RUSC1: variants seen among roughly 807,000 people sequenced by gnomAD.
RUSC1 encodes RUN and SH3 domain containing 1.
In RUSC1, 40 loss-of-function variants were observed where a neutral mutation model predicts 72.1. The ratio of observed to expected loss-of-function variants is 0.55; its 90% CI spans 0.43 to 0.72. RUSC1 has a LOEUF of 0.72. Among genes scored for constraint, RUSC1 ranks in the 30% least tolerant of loss-of-function variants. The probability of loss-of-function intolerance (pLI) is 0.00; values close to 1 mark genes in which losing one functional copy is unlikely to be tolerated. For synonymous variants in RUSC1, 512 were observed against 494.2 expected (o/e 1.04, Z -0.48); for missense variants, 1,092 against 1,172.3 (o/e 0.93, Z 1.00).
rs780609136 is a variant in RUSC1 at position 155,324,840 on chromosome 1, G to T, written c.1358-5G>T. 2.9e-5 allele frequency: 47 copies of T among 1,614,086 alleles called. No individual in the cohort carries two copies. The highest frequency in any genetic ancestry group is 2.3e-5 in the Non-Finnish European group (27 of 1,180,040). ...TGTTACCGCGCCCTTCTTCCCTTAC[G>T]CCAGTCCGTAGTTCGTGGTCCTTCG... On this transcript the variant is annotated splice_region_variant and splice_polypyrimidine_tract_variant and intron_variant, in intron 2 of 9. Transcript: ENST00000368352.
At chr1:155,323,238 C>A in intron 2 of RUSC1, 108 bp downstream of exon 2, 1 of 1,234,258 alleles carries the variant, frequency 8.1e-7, no homozygotes, top group Non-Finnish European at 1.1e-6. Flanking sequence ...ACCCATCCTC[C>A]CCGCCCCTTC....
In RUSC1 at chr1:155,322,945, C is replaced by T. The variant is rs576231802; in HGVS notation, c.1172C>T (p.Pro391Leu). 48 of 1,594,802 alleles carry T rather than the reference C, an allele frequency of 3.0e-5. No homozygotes were observed. In the Admixed American group the frequency reaches 6.5e-4, roughly 22 times the overall value. ...PAPPVPPRDP[P>L]VGWALVPPRP... Reference sequence around the variant, plus strand: ...CCGCCAGTCCCGCCTCGAGACCCCCCAGTTGGCTGGGCTTTGGTCCCGCCC... The same window carrying T: ...CCGCCAGTCCCGCCTCGAGACCCCCTAGTTGGCTGGGCTTTGGTCCCGCCC... Residue 391 changes from proline to leucine, a missense_variant, in exon 2 of 10, where the codon CCA becomes CTA. Physicochemically the swap from Pro to Leu is moderately conservative, Grantham distance 98. Coordinates refer to ENST00000368352, the MANE Select transcript of RUSC1 (RefSeq NM_001105203.2).
In RUSC1 at chr1:155,321,596, C is replaced by A. The variant is rs1051284486; in HGVS notation, c.-86-92C>A. On this transcript the variant is annotated intron_variant, in intron 1 of 9. Transcript: ENST00000368352. ...AAATATCTTCCAAAGCAGCCAGAGC[C>A]TTCAGGCCTGCTGCTGCCGTCAAGT... 21 of 1,256,040 alleles carry A rather than the reference C, an allele frequency of 1.7e-5. No homozygotes were observed. In the African/African-American group the frequency reaches 3.0e-4, roughly 18 times the overall value. The allele number at this position is 1,256,040 out of a possible 1,614,324, so 77.8% of individuals were successfully genotyped here. A position where few individuals can be genotyped will look rare whatever the true frequency, so the allele number is the denominator to read the frequency against.
chr1:155,321,615 G>C lies in RUSC1; in HGVS notation c.-86-73G>C, dbSNP rs572564488. ...CAGAGCCTTCAGGCCTGCTGCTGCC[G>C]TCAAGTCACCTCGGTGTCCTTCCCC... On this transcript the variant is annotated intron_variant, in intron 1 of 9. Coordinates refer to ENST00000368352, the MANE Select transcript of RUSC1 (RefSeq NM_001105203.2). 3 of 1,255,338 alleles carry C rather than the reference G, an allele frequency of 2.4e-6. No individual in the cohort carries two copies. In the East Asian group the frequency reaches 7.1e-5, roughly 30 times the overall value. 77.8% of individuals were successfully genotyped at this position (1,255,338 alleles called of 1,614,324 possible). A position where few individuals can be genotyped will look rare whatever the true frequency, so the allele number is the denominator to read the frequency against.
chr1:155,326,227 A>G lies in RUSC1; in HGVS notation c.1861+317A>G. 3.7e-6 allele frequency: 2 copies of G among 543,044 alleles called. No homozygotes were observed. The highest frequency in any genetic ancestry group is 6.6e-6 in the Non-Finnish European group (2 of 303,432). 33.6% of individuals were successfully genotyped at this position (543,044 alleles called of 1,614,324 possible). ...CTGCCCCTCCTGCTTCCTCTGAACT[A>G]TCATTCATCCTTTGAGTCCTTCCCC... On this transcript the variant is annotated intron_variant, in intron 7 of 9. Transcript: ENST00000368352. This position sits in a 1 kb window ranked among gnomAD's most constrained non-coding sequence, Gnocchi z 4.7.
At position 155,326,660 on chromosome 1, in the gene RUSC1, C is replaced by G; in HGVS notation, c.1942C>G (p.Leu648Val). The G allele has an allele frequency of 6.8e-6, 11 of 1,613,926 alleles. No individual in the cohort carries two copies. The highest frequency in any genetic ancestry group is 9.3e-6 in the Non-Finnish European group (11 of 1,180,028). Residue 648 changes from leucine to valine, a missense_variant, in exon 8 of 10, where the codon CTG becomes GTG. Leu to Val is a conservative substitution (Grantham distance 32). Coordinates refer to ENST00000368352, the MANE Select transcript of RUSC1 (RefSeq NM_001105203.2). The surrounding 1 kb of genome is among the most constrained non-coding windows in gnomAD (Gnocchi z 4.7). ...TTGTCCCTCCCTGTCCACAGAGCTGCTGCTCCTGCTGCAGCCATTGTCGGT... is the reference window on the plus strand; with the variant it reads ...TTGTCCCTCCCTGTCCACAGAGCTGGTGCTCCTGCTGCAGCCATTGTCGGT... ...GGCPSLSTELLLLLQPLSVLT... is the reference protein window; with the variant it reads ...GGCPSLSTELVLLLQPLSVLT...
At chr1:155,328,396 C>G in intron 9 of RUSC1, 121 bp downstream of exon 9, 2 of 1,052,382 alleles carry the variant, frequency 1.9e-6, no homozygotes, top group Non-Finnish European at 2.6e-6. Context: ...TGCATTGCAG[C>G]TTTTCTATTT....
intron 1 of RUSC1, 198 bp from the exon 2 acceptor site, chr1:155,321,490 C>T (rs1211171079): frequency 6.1e-6 from 9 of 1,480,790 alleles, no homozygotes; most frequent in African/African-American, 1.4e-5. Context: ...CGGCTCCATT[C>T]CCGGGGGGTT....
chr1:155,325,496 C>T lies in RUSC1; in HGVS notation c.1708+6C>T, dbSNP rs376293272. On this transcript the variant is annotated splice_donor_region_variant and intron_variant, in intron 5 of 9. Transcript: ENST00000368352. The surrounding 1 kb of genome is among the most constrained non-coding windows in gnomAD (Gnocchi z 6.5). ...GGAGGCGTCGGTGAAGCCAGGTGAG[C>T]CAGGAGGGCGTGGGACCCGGCAGTG... 1.3e-4 allele frequency: 200 copies of T among 1,597,248 alleles called. No homozygotes were observed. The highest frequency in any genetic ancestry group is 1.6e-4 in the Non-Finnish European group (189 of 1,174,776).
At chr1:155,330,325 A>G (rs1046776758) in intron 9 of RUSC1, 78 bp from the exon 10 acceptor site, 1 of 1,421,160 alleles carries the variant, frequency 7.0e-7, no homozygotes, top group Non-Finnish European at 9.8e-7. Context: ...CAACAAGGGC[A>G]CTCTAGAGGT....
At chr1:155,330,295 C>G in intron 9 of RUSC1, 108 bp from the exon 10 acceptor site, 1 of 1,085,400 alleles carries the variant, frequency 9.2e-7, no homozygotes. Context: ...AGAGCCCAGT[C>G]AATGTCCACT....
In RUSC1 at chr1:155,321,267, ACT is replaced by A. The variant is rs755549081; in HGVS notation, c.-87+279_-87+280del. On this transcript the variant is annotated intron_variant, in intron 1 of 9. Transcript: ENST00000368352. The stretch of plus-strand genomic sequence containing the variant: ...CCCCTTTCCTGCATTCACCAGACAA[ACT>A]CTGCGTATTGCCCCACCCCCATCCT... 1.0e-5 allele frequency: 14 copies of A among 1,366,774 alleles called. No individual in the cohort carries two copies. The Admixed American group carries it at 1.5e-4, about 15-fold the overall frequency. 84.7% of individuals were successfully genotyped at this position (1,366,774 alleles called of 1,614,324 possible).
chr1:155,329,927 G>C (rs931100607), intron 9 of RUSC1, among the ~76,000 whole-genome samples: 2 of 139,252 alleles, frequency 1.4e-5, no homozygotes, highest in Non-Finnish European at 3.0e-5. Context: ...CTCCAGCCTG[G>C]ACAACAGAGA....
In RUSC1 at chr1:155,322,859, G is replaced by C. The variant is rs201580824; in HGVS notation, c.1086G>C (p.Ser362=). 7 of 1,612,728 alleles carry C rather than the reference G, an allele frequency of 4.3e-6. No individual in the cohort carries two copies. Among genetic ancestry groups the C allele is most frequent in the South Asian group, 1.1e-5 (1 of 91,018 alleles). Residue 362 remains serine (S), a synonymous_variant, in exon 2 of 10, where the codon TCG becomes TCC. Coordinates refer to ENST00000368352, the MANE Select transcript of RUSC1 (RefSeq NM_001105203.2). ...CCTCGGGGTCGCCGGGCGGCTCCTC[G>C]GCACCTCCTCGGGAAGTCACCACCT... ...LPPSGSPGGS[S]APPREVTTFK...
chr1:155,322,141 T>C lies in RUSC1; in HGVS notation c.368T>C (p.Leu123Ser). The C allele has an allele frequency of 6.2e-7, 1 of 1,604,166 alleles. No individual in the cohort carries two copies. Among genetic ancestry groups the C allele is most frequent in the Non-Finnish European group, 8.5e-7 (1 of 1,173,758 alleles). ...GATGAGTCCCCTGTCTCAGTCTACT[T>C]GCGGGACCTCCCTGGTGATGAGGAT... ...SPDESPVSVY[L>S]RDLPGDEDAH... Residue 123 changes from leucine to serine, a missense_variant, in exon 2 of 10, where the codon TTG becomes TCG. Leu to Ser is a moderately radical substitution (Grantham distance 145). Coordinates refer to ENST00000368352, the MANE Select transcript of RUSC1 (RefSeq NM_001105203.2).
chr1:155,321,322 G>T, intron 1 of RUSC1: 2 of 1,371,928 alleles, frequency 1.5e-6, no homozygotes, highest in Non-Finnish European at 1.9e-6. Flanking sequence ...ATCTGGGTGG[G>T]TCTCCCTGGG....
Position 155,328,262 on chromosome 1 carries a change from G to C in RUSC1, c.2527G>C (p.Val843Leu). 6.2e-7 allele frequency: 1 copy of C among 1,611,994 alleles called. No individual in the cohort carries two copies. ...GCTTGAGGCCTCAGCACCCAGGATG[G>C]TGCAAACCCATAGGTAAGGAGGATT... ...QELEASAPRM[V>L]QTHRAVRALC... Residue 843 changes from valine to leucine, a missense_variant, in exon 9 of 10, where the codon GTG becomes CTG. Transcript: ENST00000368352.
At chr1:155,330,152 T>C (rs991360142) in intron 9 of RUSC1, among the ~76,000 whole-genome samples, 3 of 152,180 alleles carry the variant, frequency 2.0e-5, no homozygotes, top group Non-Finnish European at 1.5e-5. Flanking sequence ...TTCATTTGCC[T>C]GTGTTGAATT....
rs777481128 is a variant in RUSC1, at chr1:155,321,847, A to G, written c.74A>G (p.His25Arg). 9 of 1,613,830 alleles carry G rather than the reference A, an allele frequency of 5.6e-6. No individual in the cohort carries two copies. In the East Asian group the frequency reaches 1.6e-4, roughly 28 times the overall value. ...IHLQHVSLGLHLSRRPELQEG... is the reference protein window; with the variant it reads ...IHLQHVSLGLRLSRRPELQEG... ...CTCCAGCACGTCTCCCTGGGCCTGC[A>G]CTTGTCCCGCCGTCCTGAGCTACAG... Residue 25 changes from histidine (H) to arginine (R), a missense_variant, in exon 2 of 10, where the codon CAC becomes CGC. Coordinates refer to ENST00000368352, the MANE Select transcript of RUSC1 (RefSeq NM_001105203.2).
Sources: allele counts gnomAD v4.1 joint callset (sites outside exome capture counted in the v4.1 genomes callset), GRCh38; gene constraint gnomAD v4.1.1; non-coding constraint Gnocchi (gnomAD v3.1); transcripts MANE v1.5; gene names NCBI Gene and HGNC (gene_info 2026-07-23, HGNC 2026-07-21).